TRAF3IP1: variants seen among roughly 807,000 people sequenced by gnomAD.
TRAF3IP1 encodes the protein intraflagellar transport 54.
TRAF3IP1 carries 53 observed loss-of-function variants against 89.9 expected under a neutral mutation model. That is an observed-to-expected ratio of 0.59 (90% confidence interval 0.47 to 0.74). TRAF3IP1 has a LOEUF of 0.74. TRAF3IP1 is among the 30% of genes least tolerant of loss of function. TRAF3IP1 has a pLI of 0.00. For synonymous variants in TRAF3IP1, 311 were observed against 322.1 expected (o/e 0.97, Z 0.37); for missense variants, 806 against 866.1 (o/e 0.93, Z 0.87).
chr2:238,359,336 A>G (rs1699562644), intron 15 of TRAF3IP1, among the ~76,000 whole-genome samples: 1 of 152,136 alleles, frequency 6.6e-6, no homozygotes, highest in Admixed American at 6.6e-5. Context: ...TGGTGAGCCC[A>G]TCCTCCAGCC....
chr2:238,324,303 A>G (rs930492558), intron 1 of TRAF3IP1, among the ~76,000 whole-genome samples: 3 of 151,992 alleles, frequency 2.0e-5, no homozygotes, highest in African/African-American at 7.3e-5. Flanking sequence ...GCTGACCTCA[A>G]GTGATCCACC....
chr2:238,344,807 C>G, intron 9 of TRAF3IP1: 1 of 666,706 alleles, frequency 1.5e-6, no homozygotes, highest in Non-Finnish European at 2.8e-6. Flanking sequence ...CTCGTGTGCT[C>G]CCCCGTGCTC....
At chr2:238,339,889 A>G (rs1698555936) in intron 8 of TRAF3IP1, among the ~76,000 whole-genome samples, 2 of 152,244 alleles carry the variant, frequency 1.3e-5, no homozygotes, top group South Asian at 4.1e-4. Context: ...CTGTGTAGGT[A>G]ATATCAACAA....
At chr2:238,321,648 C>A (rs1251895543) in intron 1 of TRAF3IP1, among the ~76,000 whole-genome samples, 2 of 152,208 alleles carry the variant, frequency 1.3e-5, no homozygotes, top group Non-Finnish European at 2.9e-5. Context: ...AACAAACATC[C>A]CCTGTTGAGT....
At chr2:238,338,058 C>T (rs577668134) in intron 7 of TRAF3IP1, among the ~76,000 whole-genome samples, 1 of 152,146 alleles carries the variant, frequency 6.6e-6, no homozygotes, top group East Asian at 1.9e-4. Context: ...CTGTGGTCCC[C>T]CAGGTCAGAA....
chr2:238,329,016 A>G lies in TRAF3IP1; in HGVS notation c.589A>G (p.Lys197Glu). 1.3e-6 allele frequency: 2 copies of G among 1,551,644 alleles called. No individual in the cohort carries two copies. Among genetic ancestry groups the G allele is most frequent in the Non-Finnish European group, 8.7e-7 (1 of 1,147,060 alleles). ...GAAAGAAGACCGCAAGCCAAGAGAA[A>G]AGGACAAGGACAAGGAGAAGGCCAA... Reference protein sequence around the residue: ...ELKEDRKPREKDKDKEKAKEN... With the variant: ...ELKEDRKPREEDKDKEKAKEN... The change falls in exon 5 of 17, where the codon AAG becomes GAG. Residue 197 changes from lysine (K) to glutamate (E), a missense_variant. Physicochemically the swap from Lys to Glu is moderately conservative, Grantham distance 56. Coordinates refer to ENST00000373327, the MANE Select transcript of TRAF3IP1 (RefSeq NM_015650.4).
intron 8 of TRAF3IP1, among the ~76,000 whole-genome samples, chr2:238,339,573 C>G (rs1041268540): frequency 6.6e-6 from 1 of 152,260 alleles, no homozygotes; most frequent in Non-Finnish European, 1.5e-5. Context: ...GACCTCATCT[C>G]TGAGGCCACA....
intron 15 of TRAF3IP1, among the ~76,000 whole-genome samples, chr2:238,380,184 C>G (rs1700486232): frequency 6.6e-6 from 1 of 152,156 alleles, no homozygotes; most frequent in African/African-American, 2.4e-5. Flanking sequence ...GGATCAGTCT[C>G]TGGGCAGGTG....
At position 238,328,839 on chromosome 2, in the gene TRAF3IP1, A is replaced by G. The variant is rs377527530; in HGVS notation, c.498+10A>G. Reference sequence around the variant, plus strand: ...TCACAAAAATACAGAGGTGAATTCCAAGTCGCACATCTTTGAAAATGAAAT... The same window carrying G: ...TCACAAAAATACAGAGGTGAATTCCGAGTCGCACATCTTTGAAAATGAAAT... On this transcript the variant is annotated intron_variant, in intron 4 of 16. Coordinates refer to ENST00000373327, the MANE Select transcript of TRAF3IP1 (RefSeq NM_015650.4). 6.2e-6 allele frequency: 10 copies of G among 1,605,446 alleles called. No homozygotes were observed. In the African/African-American group the frequency reaches 1.3e-4, roughly 22 times the overall value.
intron 15 of TRAF3IP1, among the ~76,000 whole-genome samples, chr2:238,363,816 C>G (rs759758459): frequency 3.3e-5 from 5 of 151,968 alleles, no homozygotes; most frequent in Admixed American, 3.3e-4. Context: ...AGAAATTAGC[C>G]GGACATGGTG....
chr2:238,367,188 A>AAAT (rs1699919224), intron 15 of TRAF3IP1, among the ~76,000 whole-genome samples: 1 of 150,726 alleles, frequency 6.6e-6, no homozygotes, highest in Admixed American at 6.6e-5. Flanking sequence ...AAAAAAAAAA[A>AAAT]AGAAAATTAG....
At chr2:238,349,484 G>C in intron 12 of TRAF3IP1, 76 bp downstream of exon 12, 1 of 1,436,622 alleles carries the variant, frequency 7.0e-7, no homozygotes, top group Non-Finnish European at 9.7e-7. Context: ...GCTAAGAGAA[G>C]GGGGAGGGAA....
At chr2:238,392,574 CT>C (rs71043135) in intron 15 of TRAF3IP1, among the ~76,000 whole-genome samples, 23 of 149,270 alleles carry the variant, frequency 1.5e-4, no homozygotes, top group South Asian at 6.4e-4. Context: ...CAGTCTGTTC[CT>C]TTTTTTTTTT....
Position 238,397,529 on chromosome 2 carries a change from G to A in TRAF3IP1, c.1760G>A (p.Arg587His), listed in dbSNP as rs770983552. The A allele has an allele frequency of 3.7e-6, 6 of 1,613,114 alleles. No individual in the cohort carries two copies. Among genetic ancestry groups the A allele is most frequent in the Admixed American group, 1.7e-5 (1 of 60,012 alleles). The stretch of plus-strand genomic sequence containing the variant: ...GTTTCCAAGGAGATAGAGAAGCTCC[G>A]CACGTCCATCCAGACCCTGTGCAAG... ...DIVSKEIEKL[R>H]TSIQTLCKSA... Residue 587 changes from arginine to histidine, a missense_variant, in exon 16 of 17, where the codon CGC becomes CAC. Transcript: ENST00000373327.
At chr2:238,335,863 A>C (rs920135380) in intron 7 of TRAF3IP1, among the ~76,000 whole-genome samples, 1 of 151,852 alleles carries the variant, frequency 6.6e-6, no homozygotes, top group Admixed American at 6.6e-5. Context: ...GCAGTGGCGC[A>C]ATCATGGCTC....
At chr2:238,352,389 A>G (rs1011930433) in intron 12 of TRAF3IP1, among the ~76,000 whole-genome samples, 7 of 152,180 alleles carry the variant, frequency 4.6e-5, no homozygotes, top group East Asian at 1.9e-4. Context: ...TGGGACCCCA[A>G]TGTGGCCCCT....
At chr2:238,395,773 A>G (rs1422345798) in intron 15 of TRAF3IP1, among the ~76,000 whole-genome samples, 1 of 152,246 alleles carries the variant, frequency 6.6e-6, no homozygotes, top group African/African-American at 2.4e-5. Context: ...AAAACACATG[A>G]AAAAATGCTT....
intron 15 of TRAF3IP1, among the ~76,000 whole-genome samples, chr2:238,396,681 C>T (rs760410941): frequency 3.3e-5 from 5 of 152,182 alleles, no homozygotes; most frequent in African/African-American, 7.2e-5. Context: ...CTAAATGTTG[C>T]ATGGCAAAGA....
At chr2:238,380,277 C>T (rs1700490651) in intron 15 of TRAF3IP1, among the ~76,000 whole-genome samples, 1 of 152,144 alleles carries the variant, frequency 6.6e-6, no homozygotes, top group Admixed American at 6.5e-5. Flanking sequence ...CTCAGAGGGC[C>T]TCTCTGAGCC....
Sources: allele counts gnomAD v4.1 joint callset (sites outside exome capture counted in the v4.1 genomes callset), GRCh38; gene constraint gnomAD v4.1.1; transcripts MANE v1.5; gene names NCBI Gene and HGNC (gene_info 2026-07-23, HGNC 2026-07-21).